Variants in TASP1 observed in about 807,000 individuals in gnomAD.
TASP1 encodes threonine aspartase 1.
In TASP1, 16 loss-of-function variants were observed where a neutral mutation model predicts 56.6. The observed-to-expected ratio is 0.28, with a 90% confidence interval of 0.19 to 0.43. The LOEUF (loss-of-function observed/expected upper bound fraction) is 0.43, where lower values mean the gene tolerates loss of function less well. TASP1 is among the 20% of genes least tolerant of loss of function. TASP1 has a pLI of 1.00. For missense variants in TASP1, 393 were observed against 511.6 expected (o/e 0.77, Z 2.24); for synonymous variants, 179 against 184.2 (o/e 0.97, Z 0.23).
the TASP1 span, among the ~76,000 whole-genome samples, chr20:13,177,211 A>T: frequency 6.6e-6 from 1 of 152,156 alleles, no homozygotes; most frequent in Non-Finnish European, 1.5e-5. Flanking sequence ...ACTGCACTCC[A>T]GCCTGGGTGA....
At chr20:13,331,300 G>C in the TASP1 span, among the ~76,000 whole-genome samples, 2 of 152,028 alleles carry the variant, frequency 1.3e-5, no homozygotes, top group South Asian at 4.1e-4. Context: ...GACATTTTAC[G>C]TAAGTCTCAG....
chr20:13,393,416 TCTGGA>T, intron 13 of TASP1: 1 of 763,718 alleles, frequency 1.3e-6, no homozygotes, highest in Non-Finnish European at 2.3e-6. Flanking sequence ...TGACCTACCG[TCTGGA>T]GAAACCTGCC....
chr20:13,582,124 A>C (rs2047148854), intron 5 of TASP1, among the ~76,000 whole-genome samples: 1 of 118,690 alleles, frequency 8.4e-6, no homozygotes, highest in Non-Finnish European at 1.6e-5. Context: ...TATGAAATAC[A>C]AAAAAAAAAA....
chr20:13,279,834 C>A, the TASP1 span: 10 of 1,613,770 alleles, frequency 6.2e-6, no homozygotes, highest in African/African-American at 1.3e-5. Flanking sequence ...TCAACCCCCC[C>A]AGGGGGTGGG....
chr20:13,413,095 A>T (rs2042143805), intron 13 of TASP1, among the ~76,000 whole-genome samples: 1 of 152,148 alleles, frequency 6.6e-6, no homozygotes, highest in Admixed American at 6.5e-5. Flanking sequence ...ATACTTATTT[A>T]TTTTAACTGC....
chr20:13,133,951 A>T, the TASP1 span, among the ~76,000 whole-genome samples: 3 of 152,182 alleles, frequency 2.0e-5, no homozygotes, highest in African/African-American at 7.2e-5. Context: ...TATGACAAGC[A>T]TCCCACTGGA....
chr20:13,152,353 C>T, the TASP1 span, among the ~76,000 whole-genome samples: 1 of 152,134 alleles, frequency 6.6e-6, no homozygotes, highest in Non-Finnish European at 1.5e-5. Flanking sequence ...GCTACCTGAT[C>T]CAATTAGTAG....
chr20:13,561,391 A>G (rs2046338494), intron 7 of TASP1, among the ~76,000 whole-genome samples: 1 of 152,098 alleles, frequency 6.6e-6, no homozygotes, highest in African/African-American at 2.4e-5. Context: ...TTTGAGACAG[A>G]GTCTCCCTCT....
At chr20:13,615,648 G>GCACCCGGACTACACC (rs1320878439) in intron 4 of TASP1, among the ~76,000 whole-genome samples, 1 of 151,596 alleles carries the variant, frequency 6.6e-6, no homozygotes, top group Non-Finnish European at 1.5e-5. Context: ...GGGACTACAG[G>GCACCCGGACTACACC]CACCCGGACT....
chr20:13,305,712 A>G, the TASP1 span, among the ~76,000 whole-genome samples: 1 of 152,356 alleles, frequency 6.6e-6, no homozygotes, highest in African/African-American at 2.4e-5. Context: ...GGTTTACCAT[A>G]TGAGAGTAGA....
chr20:13,447,391 T>C lies in TASP1; in HGVS notation c.986-12237A>G, dbSNP rs567717365. On this transcript the variant is annotated intron_variant, in intron 11 of 13. Coordinates refer to ENST00000337743, the MANE Select transcript of TASP1 (RefSeq NM_017714.3). Reference sequence around the variant, plus strand: ...AACTGTTTGCCTACATATTATCCATTCTCCCTATCTTCCTTACAGTAAGGC... The same window carrying C: ...AACTGTTTGCCTACATATTATCCATCCTCCCTATCTTCCTTACAGTAAGGC... Among the ~76,000 whole-genome samples, 3 of 152,214 alleles carry C rather than the reference T, an allele frequency of 2.0e-5. No individual in the cohort carries two copies. The South Asian group carries it at 6.2e-4, about 32-fold the overall frequency.
intron 3 of TASP1, 137 bp downstream of exon 3, chr20:13,625,048 C>CA (rs1208667323): frequency 3.5e-6 from 2 of 563,468 alleles, no homozygotes; most frequent in Middle Eastern, 3.1e-4. Flanking sequence ...CGATCCCCTA[C>CA]AAAAACAAGC....
At chr20:13,123,093 G>T in the TASP1 span, among the ~76,000 whole-genome samples, 34 of 152,282 alleles carry the variant, frequency 2.2e-4, no homozygotes, top group African/African-American at 7.9e-4. Context: ...CACTTTGGGA[G>T]GCCAAGGCCG....
intron 11 of TASP1, among the ~76,000 whole-genome samples, chr20:13,471,301 C>T (rs1428989858): frequency 2.6e-5 from 4 of 152,110 alleles, no homozygotes; most frequent in Non-Finnish European, 4.4e-5. Flanking sequence ...CCCAAGGTCT[C>T]AACTCCCCTC....
chr20:13,279,436 C>T, the TASP1 span, among the ~76,000 whole-genome samples: 1 of 152,184 alleles, frequency 6.6e-6, no homozygotes, highest in African/African-American at 2.4e-5. Context: ...CAACCCAAAG[C>T]CATGTTCCAT....
intron 8 of TASP1, among the ~76,000 whole-genome samples, chr20:13,549,236 C>A (rs2045901714): frequency 2.0e-5 from 3 of 152,088 alleles, no homozygotes; most frequent in African/African-American, 7.2e-5. Flanking sequence ...TCAAGTAATT[C>A]CAGTCTCAAG....
chr20:13,133,156 C>G, the TASP1 span: 15 of 151,938 alleles, frequency 9.9e-5, no homozygotes, highest in Admixed American at 9.2e-4. Context: ...TTCTGCCAGG[C>G]CTCTTTCCCT....
chr20:13,226,250 G>A, the TASP1 span, among the ~76,000 whole-genome samples: 1 of 152,078 alleles, frequency 6.6e-6, no homozygotes, highest in African/African-American at 2.4e-5. Context: ...TTAGCTTCTT[G>A]TATTCACTGC....
chr20:13,537,003 A>G (rs1367823716), intron 8 of TASP1, among the ~76,000 whole-genome samples: 5 of 151,962 alleles, frequency 3.3e-5, no homozygotes, highest in African/African-American at 1.2e-4. Context: ...GGTATTTTTC[A>G]TTAGCTCTTT....
Sources: allele counts gnomAD v4.1 joint callset (sites outside exome capture counted in the v4.1 genomes callset), GRCh38; gene constraint gnomAD v4.1.1; transcripts MANE v1.5; gene names NCBI Gene and HGNC (gene_info 2026-07-23, HGNC 2026-07-21).